Variants in SHC1 observed in about 807,000 individuals in gnomAD.
The protein encoded by SHC1 is SHC-transforming protein 1.
In SHC1, 30 loss-of-function variants were observed where a neutral mutation model predicts 55.9. The observed-to-expected ratio is 0.54, with a 90% confidence interval of 0.40 to 0.73. The LOEUF (loss-of-function observed/expected upper bound fraction) is 0.73. SHC1 is among the 30% of genes least tolerant of loss of function. SHC1 has a pLI of 0.00. For synonymous variants in SHC1, 309 were observed against 306.1 expected (o/e 1.01, Z -0.10); for missense variants, 675 against 777.1 (o/e 0.87, Z 1.56).
At position 154,970,468 on chromosome 1, in the gene SHC1, G is replaced by A. The variant is rs749305738; in HGVS notation, c.59C>T (p.Ser20Leu). The change falls in exon 1 of 12, where the codon TCG (serine) becomes TTG (leucine). Residue 20 changes from serine to leucine, a missense_variant. Coordinates refer to ENST00000448116, the MANE Select transcript of SHC1 (RefSeq NM_001130040.2). The surrounding 1 kb of genome is among the most constrained non-coding windows in gnomAD (Gnocchi z 5.5). ...GGACCCAGAAGCCCCTTCCTCCAGC[G>A]ATGACAGAGACTCATTCCGGAGTGG... ...YNPLRNESLS[S>L]LEEGASGSTP... 21 of 1,611,904 alleles carry A rather than the reference G, an allele frequency of 1.3e-5. No individual in the cohort carries two copies. Among genetic ancestry groups the A allele is most frequent in the Non-Finnish European group, 1.4e-5 (16 of 1,179,426 alleles).
upstream of SHC1, among the ~76,000 whole-genome samples, chr1:154,971,694 G>T (rs935579188): frequency 7.9e-5 from 12 of 152,222 alleles, no homozygotes; most frequent in African/African-American, 2.9e-4. Context: ...AGCCTGGCTG[G>T]AGGAGGTGGA....
At chr1:154,972,553 A>C (rs1421163928), upstream of SHC1, among the ~76,000 whole-genome samples, 1 of 152,216 alleles carries the variant, frequency 6.6e-6, no homozygotes, top group Non-Finnish European at 1.5e-5. Context: ...ACACACTAGG[A>C]TGTCCCTCAT....
Position 154,966,250 on chromosome 1 carries a change from G to A in SHC1, c.1183-19C>T. ...CTACAGGCTGCAGGGATAAAAATAA[G>A]GTGAGACCAGAAGCCCTAACCAACC... On this transcript the variant is annotated intron_variant, in intron 8 of 11. Coordinates refer to ENST00000448116, the MANE Select transcript of SHC1 (RefSeq NM_001130040.2). 6.2e-7 allele frequency: 1 copy of A among 1,613,622 alleles called. No homozygotes were observed. Among genetic ancestry groups the A allele is most frequent in the East Asian group, 2.2e-5 (1 of 44,884 alleles).
rs781668432 is a variant in SHC1, at chr1:154,968,266, T to C, written c.751-9A>G. 6 of 1,613,932 alleles carry C rather than the reference T, an allele frequency of 3.7e-6. No homozygotes were observed. The Admixed American group carries it at 8.3e-5, about 22-fold the overall frequency. ...TGGTGGTTGGCGATGATCTGAGAATTAGGGCAGGGGATGAAGAAGGAAGGG... is the reference window on the plus strand; with the variant it reads ...TGGTGGTTGGCGATGATCTGAGAATCAGGGCAGGGGATGAAGAAGGAAGGG... On this transcript the variant is annotated splice_polypyrimidine_tract_variant and intron_variant, in intron 4 of 11. Coordinates refer to ENST00000448116, the MANE Select transcript of SHC1 (RefSeq NM_001130040.2).
Position 154,967,764 on chromosome 1 carries a change from G to A in SHC1, c.890C>T (p.Ala297Val). Reference sequence around the variant, plus strand: ...GCCAATGGTGCTGATGACATCCTGGGCAAGCCCTTCGGGACACTCCAGAAT... The same window carrying A: ...GCCAATGGTGCTGATGACATCCTGGACAAGCCCTTCGGGACACTCCAGAAT... ...CHILECPEGLAQDVISTIGQA... is the reference protein window; with the variant it reads ...CHILECPEGLVQDVISTIGQA... The change falls in exon 7 of 12, where the codon GCC becomes GTC. Residue 297 changes from alanine to valine, a missense_variant. Transcript: ENST00000448116. The A allele has an allele frequency of 6.2e-7, 1 of 1,614,114 alleles. No individual in the cohort carries two copies. The highest frequency in any genetic ancestry group is 1.1e-5 in the South Asian group (1 of 91,084).
rs1558057241 is a variant in SHC1 at position 154,968,046 on chromosome 1, CA to C, written c.805-16del. 1.2e-6 allele frequency: 2 copies of C among 1,614,044 alleles called. No individual in the cohort carries two copies. Among genetic ancestry groups the C allele is most frequent in the Non-Finnish European group, 1.7e-6 (2 of 1,179,956 alleles). ...TCGGCTGTGTCCTGGGGAGGAAGGT[CA>C]AAAAATTTTACAGTTCTACTTTACT... is the stretch of plus-strand genomic sequence containing the variant. On this transcript the variant is annotated splice_polypyrimidine_tract_variant and intron_variant, in intron 5 of 11. Coordinates refer to ENST00000448116, the MANE Select transcript of SHC1 (RefSeq NM_001130040.2).
In SHC1 at chr1:154,966,062, T is replaced by C; in HGVS notation, c.1271A>G (p.Asp424Gly). The change falls in exon 10 of 12, where the codon GAT becomes GGT. Residue 424 changes from aspartate (D) to glycine (G), a missense_variant. Transcript: ENST00000448116. ...PPCPAGRELF[D>G]DPSYVNVQNL... The stretch of plus-strand genomic sequence containing the variant: ...CTGGACGTTGACATAGGAGGGATCA[T>C]CAAAAAGCTCTCTGCCTGCTGAGGA... 3 of 1,613,936 alleles carry C rather than the reference T, an allele frequency of 1.9e-6. No individual in the cohort carries two copies. The South Asian group carries it at 3.3e-5, about 18-fold the overall frequency.
intron 6 of SHC1, 58 bp from the exon 7 acceptor site, chr1:154,967,855 G>A: frequency 2.5e-6 from 4 of 1,607,830 alleles, no homozygotes; most frequent in Non-Finnish European, 3.4e-6. Context: ...GGCACAGACA[G>A]GGGCCCTCAT....
At position 154,966,026 on chromosome 1, in the gene SHC1, T is replaced by G. The variant is rs761630961; in HGVS notation, c.1307A>C (p.Lys436Thr). The change falls in exon 10 of 12, where the codon AAG becomes ACG. Residue 436 changes from lysine to threonine, a missense_variant. Around this residue, in one of 3 missense-constraint regions of SHC1, gnomAD observed 360 missense variants for 371.1 expected, o/e 0.97. Transcript: ENST00000448116. ...AGCACCACCCACTGCTTGCCGGGCC[T>G]TGTCTAGGTTCTGGACGTTGACATA... is the stretch of plus-strand genomic sequence containing the variant. ...PSYVNVQNLD[K>T]ARQAVGGAGP... 2.5e-6 allele frequency: 4 copies of G among 1,613,932 alleles called. No homozygotes were observed. The highest frequency in any genetic ancestry group is 3.3e-5 in the Admixed American group (2 of 59,990).
intron 11 of SHC1, chr1:154,964,327 G>A (rs1655666365): frequency 2.1e-6 from 1 of 466,480 alleles, no homozygotes; most frequent in Admixed American, 2.3e-5. Flanking sequence ...CTTGAGCCCG[G>A]GAGTTCAAGA....
upstream of SHC1, among the ~76,000 whole-genome samples, chr1:154,972,137 C>T (rs1383659577): frequency 1.3e-5 from 2 of 151,348 alleles, no homozygotes; most frequent in Non-Finnish European, 1.5e-5. Context: ...AATCCCAGCT[C>T]AGGAGGCTGA....
chr1:154,963,354 T>G lies in SHC1; in HGVS notation c.*449A>C, dbSNP rs1319820295. The G allele has an allele frequency of 6.2e-6, 1 of 160,502 alleles. No individual in the cohort carries two copies. The highest frequency in any genetic ancestry group is 1.4e-5 in the Non-Finnish European group (1 of 72,530). 9.9% of individuals were successfully genotyped at this position (160,502 alleles called of 1,614,324 possible). A position where few individuals can be genotyped will look rare whatever the true frequency, so the allele number is the denominator to read the frequency against. On this transcript the variant is annotated 3_prime_UTR_variant, in exon 12 of 12. Coordinates refer to ENST00000448116, the MANE Select transcript of SHC1 (RefSeq NM_001130040.2). ...TGTTTGCATAAAATATCATTAGACC[T>G]AAGAGATGGTCAAAGGCACAAAGTT... is the stretch of plus-strand genomic sequence containing the variant.
Position 154,963,860 on chromosome 1 carries a change from G to GT in SHC1, c.1697_1698insA (p.Ile567HisfsTer39), listed in dbSNP as rs1655582555. The GT allele has an allele frequency of 1.9e-6, 3 of 1,614,144 alleles. No homozygotes were observed. Among genetic ancestry groups the GT allele is most frequent in the Non-Finnish European group, 2.5e-6 (3 of 1,179,998 alleles). On this transcript the variant is annotated frameshift_variant, in exon 12 of 12. Transcript: ENST00000448116. LOFTEE classifies it high-confidence loss of function. ...ACAGTTCGCTGCCCGCAGAGATGAT[G>GT]GGCAAGTGATTGTCCATGTGGTAGC... is the stretch of plus-strand genomic sequence containing the variant.
chr1:154,964,884 C>T (rs1220917643), intron 11 of SHC1, among the ~76,000 whole-genome samples: 1 of 152,234 alleles, frequency 6.6e-6, no homozygotes, highest in African/African-American at 2.4e-5. Context: ...AGGAAACTTG[C>T]AGTGTCTAGC....
intron 1 of SHC1, 140 bp downstream of exon 1, chr1:154,969,892 G>A: frequency 1.0e-6 from 1 of 968,308 alleles, no homozygotes; most frequent in Non-Finnish European, 1.6e-6. Context: ...TCGGGGAAGG[G>A]ATGAGAAAGG....
chr1:154,968,710 G>A, intron 3 of SHC1, 61 bp downstream of exon 3: 1 of 1,606,050 alleles, frequency 6.2e-7, no homozygotes, highest in Admixed American at 1.7e-5. Flanking sequence ...CCCCACACTT[G>A]CCTCCCCACT....
At chr1:154,968,052 A>G in intron 5 of SHC1, 21 bp from the exon 6 acceptor site, 2 of 1,613,926 alleles carry the variant, frequency 1.2e-6, no homozygotes, top group Non-Finnish European at 1.7e-6. Context: ...AGGTCAAAAA[A>G]TTTTACAGTT....
rs1435647084 is a variant in SHC1 at position 154,967,979 on chromosome 1, CCT to C, written c.855_856del (p.Arg285SerfsTer42). On this transcript the variant is annotated frameshift_variant and splice_region_variant, in exon 6 of 12. Coordinates refer to ENST00000448116, the MANE Select transcript of SHC1 (RefSeq NM_001130040.2). LOFTEE classifies it high-confidence loss of function. Reference sequence around the variant, plus strand: ...ACCCAGTGCTCCCCACCATGCCTCACCTCTCTGATTCACAGGGTCTTTGGCAA... The same window carrying C: ...ACCCAGTGCTCCCCACCATGCCTCACCTCTGATTCACAGGGTCTTTGGCAA... 1.2e-6 allele frequency: 2 copies of C among 1,614,192 alleles called. No individual in the cohort carries two copies. Among genetic ancestry groups the C allele is most frequent in the Non-Finnish European group, 1.7e-6 (2 of 1,180,010 alleles).
intron 11 of SHC1, chr1:154,964,382 A>T (rs1182442438): frequency 2.4e-6 from 1 of 410,838 alleles, no homozygotes. Context: ...CCAAAAAAAA[A>T]ATACAAAAAT....
Sources: gnomAD v4.1 joint callset for allele counts (sites outside exome capture counted in the v4.1 genomes callset) on GRCh38, gnomAD v4.1.1 for gene constraint, gnomAD v4.1.1 regional missense constraint, Gnocchi (gnomAD v3.1) non-coding constraint, MANE v1.5 for transcripts, NCBI Gene and HGNC (gene_info 2026-07-23, HGNC 2026-07-21) for gene names.